STAB2: variants seen among roughly 807,000 people sequenced by gnomAD.
The protein encoded by STAB2 is stabilin-2.
A neutral mutation model predicts 338.1 loss-of-function variants in STAB2; 288 were observed. The observed-to-expected ratio is 0.85, with a 90% CI of 0.77 to 0.94. The LOEUF (loss-of-function observed/expected upper bound fraction) is 0.94. Ranked by LOEUF, STAB2 falls within the 40% of genes least tolerant of loss-of-function variation. STAB2 has a pLI of 0.00. For synonymous variants in STAB2, 1,202 were observed against 1,193.3 expected (o/e 1.01, Z -0.15); for missense variants, 3,141 against 3,210.1 (o/e 0.98, Z 0.52).
intron 47 of STAB2, among the ~76,000 whole-genome samples, chr12:103,728,112 A>G (rs1342958526): frequency 4.6e-5 from 7 of 152,108 alleles, no homozygotes; most frequent in African/African-American, 1.4e-4. Context: ...AAACAATGAG[A>G]ATTTTGTGGG....
intron 2 of STAB2, among the ~76,000 whole-genome samples, chr12:103,591,449 C>A (rs1956796947): frequency 6.6e-6 from 1 of 152,198 alleles, no homozygotes; most frequent in Non-Finnish European, 1.5e-5. Context: ...CAAGCCACTG[C>A]ACTCCAGCCT....
intron 50 of STAB2, among the ~76,000 whole-genome samples, chr12:103,731,979 G>A (rs879913471): frequency 6.6e-6 from 1 of 152,146 alleles, no homozygotes; most frequent in Non-Finnish European, 1.5e-5. Flanking sequence ...TGGGAGAGTT[G>A]GGAACTCTAT....
intron 13 of STAB2, 160 bp downstream of exon 13, chr12:103,654,858 C>A: frequency 2.2e-6 from 2 of 892,294 alleles, no homozygotes; most frequent in East Asian, 2.7e-5. Context: ...CCAATAGAAA[C>A]CTGGGAATCT....
At chr12:103,607,300 A>G (rs1253668290) in intron 3 of STAB2, among the ~76,000 whole-genome samples, 2 of 151,960 alleles carry the variant, frequency 1.3e-5, no homozygotes, top group Non-Finnish European at 2.9e-5. Flanking sequence ...AAATGTTTGA[A>G]GTTGTCCCAC....
At chr12:103,721,493 T>A (rs886542743) in intron 44 of STAB2, among the ~76,000 whole-genome samples, 3 of 152,212 alleles carry the variant, frequency 2.0e-5, no homozygotes, top group African/African-American at 7.2e-5. Context: ...TTTTTCCAGT[T>A]GTGACTAGGA....
chr12:103,766,300 G>A lies in STAB2; in HGVS notation c.7620G>A (p.Arg2540=), dbSNP rs1884959615. The change falls in exon 69 of 69, where the codon CGG becomes CGA. Residue 2540 remains arginine (R), a synonymous_variant. Transcript: ENST00000388887. ...CTCTTTTCCAGGACTCTGAAGAACG[G>A]CAGCTTGAGGGCAATGACCCCTTGA... The part of the protein sequence containing the change: ...SYDPFTDSEE[R]QLEGNDPLRT... The A allele has an allele frequency of 6.2e-7, 1 of 1,614,054 alleles. No homozygotes were observed.
At chr12:103,615,607 C>G (rs893576798) in intron 3 of STAB2, among the ~76,000 whole-genome samples, 2 of 152,166 alleles carry the variant, frequency 1.3e-5, no homozygotes, top group Admixed American at 1.3e-4. Flanking sequence ...TTGTTAATGG[C>G]TCGCATACTG....
At chr12:103,685,473 C>CGCGCATGT (rs1566014416) in intron 27 of STAB2, among the ~76,000 whole-genome samples, 1 of 137,790 alleles carries the variant, frequency 7.3e-6, no homozygotes, top group Non-Finnish European at 1.6e-5. Flanking sequence ...TGTGTGTGTG[C>CGCGCATGT]GTGCGCGCAT....
At chr12:103,588,630 A>G (rs1956749982) in intron 1 of STAB2, among the ~76,000 whole-genome samples, 1 of 152,222 alleles carries the variant, frequency 6.6e-6, no homozygotes, top group South Asian at 2.1e-4. Flanking sequence ...TGTATGAGAC[A>G]GACAATGAGC....
intron 15 of STAB2, among the ~76,000 whole-genome samples, chr12:103,657,055 C>A (rs935312331): frequency 4.6e-5 from 7 of 152,074 alleles, no homozygotes; most frequent in Non-Finnish European, 8.8e-5. Flanking sequence ...AGATGTTCAA[C>A]ATATGAAAAG....
chr12:103,594,113 C>T (rs1381655606), intron 2 of STAB2, among the ~76,000 whole-genome samples: 2 of 152,162 alleles, frequency 1.3e-5, no homozygotes, highest in Non-Finnish European at 2.9e-5. Context: ...CTAGCATGTG[C>T]CTAAGCCTTA....
chr12:103,762,773 C>G (rs1490204087), intron 67 of STAB2, among the ~76,000 whole-genome samples: 1 of 152,250 alleles, frequency 6.6e-6, no homozygotes, highest in East Asian at 1.9e-4. Flanking sequence ...GGCTTCAAGA[C>G]CGGCTCTGAG....
intron 19 of STAB2, among the ~76,000 whole-genome samples, chr12:103,666,713 T>C (rs1875142737): frequency 6.6e-6 from 1 of 152,244 alleles, no homozygotes; most frequent in African/African-American, 2.4e-5. Flanking sequence ...TGTCCACTTT[T>C]GGGTGGTACT....
intron 19 of STAB2, among the ~76,000 whole-genome samples, chr12:103,667,779 A>G (rs1202958930): frequency 6.6e-6 from 1 of 152,256 alleles, no homozygotes; most frequent in Non-Finnish European, 1.5e-5. Context: ...AGATGAAGGG[A>G]TAAGCTTGAC....
chr12:103,632,490 T>G (rs1002063597), intron 6 of STAB2, among the ~76,000 whole-genome samples: 4 of 152,096 alleles, frequency 2.6e-5, no homozygotes, highest in African/African-American at 9.7e-5. Flanking sequence ...GGGGCAACCC[T>G]CCAGGGCCTT....
chr12:103,735,260 T>C (rs1882018799), intron 51 of STAB2, among the ~76,000 whole-genome samples: 1 of 152,146 alleles, frequency 6.6e-6, no homozygotes. Flanking sequence ...GGAAGGGTGA[T>C]TGAAACCAGT....
intron 22 of STAB2, 111 bp from the exon 23 acceptor site, chr12:103,673,796 A>G: frequency 8.4e-7 from 1 of 1,188,218 alleles, no homozygotes. Context: ...CTGCTTTGAC[A>G]AGAGTGAGTG....
At chr12:103,687,624 A>G (rs1877549456) in intron 27 of STAB2, among the ~76,000 whole-genome samples, 1 of 152,202 alleles carries the variant, frequency 6.6e-6, no homozygotes, top group Non-Finnish European at 1.5e-5. Context: ...CTTTAAAAAC[A>G]ACTCCTATTT....
At chr12:103,608,972 G>C (rs956034156) in intron 3 of STAB2, among the ~76,000 whole-genome samples, 3 of 152,196 alleles carry the variant, frequency 2.0e-5, no homozygotes, top group African/African-American at 7.2e-5. Flanking sequence ...GCTTTCGTCA[G>C]ATTTGTCAAA....
Sources: gnomAD v4.1 joint callset for allele counts (sites outside exome capture counted in the v4.1 genomes callset) on GRCh38, gnomAD v4.1.1 for gene constraint, MANE v1.5 for transcripts, NCBI Gene and HGNC (gene_info 2026-07-23, HGNC 2026-07-21) for gene names.